NBAS: variants seen among roughly 807,000 people sequenced by gnomAD.
The protein encoded by NBAS is NAG/BC035112 fusion.
NBAS carries 219 observed loss-of-function variants against 302.5 expected under a neutral mutation model. That is an observed-to-expected ratio of 0.72 (90% CI 0.65 to 0.81). The LOEUF is 0.81. NBAS is among the 30% of genes least tolerant of loss of function. The pLI, the probability that NBAS is intolerant of heterozygous loss-of-function variation, is 0.00. For synonymous variants in NBAS, 1,118 were observed against 1,021.6 expected (o/e 1.09, Z -1.80); for missense variants, 2,932 against 2,841.6 (o/e 1.03, Z -0.72).
intron 48 of NBAS, among the ~76,000 whole-genome samples, chr2:15,194,441 C>A (rs1665513973): frequency 6.6e-6 from 1 of 152,060 alleles, no homozygotes; most frequent in Non-Finnish European, 1.5e-5. Context: ...ACTACAAATT[C>A]TTTATCTGGC....
the NBAS span, among the ~76,000 whole-genome samples, chr2:15,158,543 C>T: frequency 1.3e-5 from 2 of 152,198 alleles, no homozygotes; most frequent in African/African-American, 4.8e-5. Flanking sequence ...TTTCCAGTTA[C>T]CTGTTCTCTA....
At chr2:14,867,775 T>G in the NBAS span, among the ~76,000 whole-genome samples, 5,212 of 152,342 alleles carry the variant, frequency 0.034, 281 homozygotes, top group African/African-American at 0.12. Context: ...GGACCATGTT[T>G]ATACATTTTC....
At chr2:15,495,207 C>T (rs762700850) in intron 11 of NBAS, among the ~76,000 whole-genome samples, 3 of 152,188 alleles carry the variant, frequency 2.0e-5, no homozygotes, top group Non-Finnish European at 2.9e-5. Context: ...TCAAAACTAA[C>T]CGGCCTGCAC....
At chr2:15,446,573 G>C (rs1363007289) in intron 21 of NBAS, among the ~76,000 whole-genome samples, 1 of 152,148 alleles carries the variant, frequency 6.6e-6, no homozygotes, top group Non-Finnish European at 1.5e-5. Context: ...ACTGACACTA[G>C]ATATAAATTG....
intron 35 of NBAS, among the ~76,000 whole-genome samples, chr2:15,335,254 T>A (rs1672529231): frequency 6.6e-6 from 1 of 152,158 alleles, no homozygotes; most frequent in Non-Finnish European, 1.5e-5. Flanking sequence ...CAGAACTTAT[T>A]TATATTTTCT....
chr2:15,276,288 A>C (rs1669579959), intron 43 of NBAS, among the ~76,000 whole-genome samples: 1 of 152,266 alleles, frequency 6.6e-6, no homozygotes, highest in African/African-American at 2.4e-5. Flanking sequence ...ACTGATGGGA[A>C]CTCTCACAAT....
At chr2:15,294,315 A>C (rs1670450065) in intron 40 of NBAS, among the ~76,000 whole-genome samples, 1 of 152,212 alleles carries the variant, frequency 6.6e-6, no homozygotes, top group Non-Finnish European at 1.5e-5. Context: ...TTCCAGTAAA[A>C]GGTAGAAAAT....
the NBAS span, among the ~76,000 whole-genome samples, chr2:14,900,913 A>G: frequency 6.6e-6 from 1 of 152,222 alleles, no homozygotes; most frequent in Non-Finnish European, 1.5e-5. Flanking sequence ...ACCATCTGCA[A>G]AGGCTTGAAC....
the NBAS span, among the ~76,000 whole-genome samples, chr2:14,887,261 G>T: frequency 6.6e-6 from 1 of 151,940 alleles, no homozygotes; most frequent in Non-Finnish European, 1.5e-5. Flanking sequence ...AAAATTATTC[G>T]GGCATGGTGG....
At position 15,366,610 on chromosome 2, in the gene NBAS, G is replaced by C; in HGVS notation, c.3787C>G (p.Leu1263Val). Reference protein sequence around the residue: ...PTCYKQSTKLLGLAELLRVAG... With the variant: ...PTCYKQSTKLVGLAELLRVAG... ...ACCCTCAGCAGCTCAGCAAGGCCCAGAAGCTTGGTGGATTGTTTATAGCAT... is the reference window on the plus strand; with the variant it reads ...ACCCTCAGCAGCTCAGCAAGGCCCACAAGCTTGGTGGATTGTTTATAGCAT... The change falls in exon 32 of 52, where the codon CTG (leucine) becomes GTG (valine). Residue 1263 changes from leucine (L) to valine (V), a missense_variant. By Grantham distance (32) the Leu-to-Val change is conservative (BLOSUM62 1). Transcript: ENST00000281513. The C allele has an allele frequency of 6.2e-7, 1 of 1,614,124 alleles. No individual in the cohort carries two copies.
At chr2:15,231,620 TAAGAG>T (rs1667386213) in intron 47 of NBAS, among the ~76,000 whole-genome samples, 1 of 152,168 alleles carries the variant, frequency 6.6e-6, no homozygotes, top group Non-Finnish European at 1.5e-5. Context: ...AGCAAGTAGA[TAAGAG>T]AATACAAAAG....
intron 27 of NBAS, 27 bp downstream of exon 27, chr2:15,396,386 A>T: frequency 7.4e-7 from 1 of 1,344,504 alleles, no homozygotes; most frequent in Non-Finnish European, 1.0e-6. Context: ...AAGCATGGAG[A>T]AAAAAAAAAA....
intron 50 of NBAS, among the ~76,000 whole-genome samples, chr2:15,185,179 T>C (rs577112828): frequency 1.3e-5 from 2 of 152,262 alleles, no homozygotes; most frequent in African/African-American, 2.4e-5. Flanking sequence ...AGCAAGACCA[T>C]TGACCTCAAA....
At position 15,461,785 on chromosome 2, in the gene NBAS, G is replaced by A; in HGVS notation, c.2104C>T (p.Leu702=). 1.3e-6 allele frequency: 2 copies of A among 1,580,724 alleles called. No individual in the cohort carries two copies. The highest frequency in any genetic ancestry group is 1.7e-6 in the Non-Finnish European group (2 of 1,151,024). ...TGTTCAGATGCATGAGGCACTCCTA[G>A]GATTTCCTGAGGGGAAATTTAATGA... ...LDRLATYEEI[L]GVPHASEQRY... The change falls in exon 20 of 52, where the codon CTA becomes TTA. Residue 702 remains leucine (L), a synonymous_variant. Transcript: ENST00000281513.
the NBAS span, among the ~76,000 whole-genome samples, chr2:14,825,506 A>C: frequency 6.6e-6 from 1 of 152,172 alleles, no homozygotes; most frequent in Admixed American, 6.5e-5. Flanking sequence ...CTAAATGCTA[A>C]TCATCCAGAA....
intron 35 of NBAS, among the ~76,000 whole-genome samples, chr2:15,341,944 G>A (rs1052613736): frequency 4.6e-5 from 7 of 152,120 alleles, no homozygotes; most frequent in African/African-American, 1.7e-4. Flanking sequence ...CATGATCACT[G>A]TAAACTGAAT....
the NBAS span, among the ~76,000 whole-genome samples, chr2:15,082,792 C>A: frequency 7.9e-5 from 12 of 152,228 alleles, no homozygotes; most frequent in Non-Finnish European, 1.5e-4. Flanking sequence ...CTCCCATTTA[C>A]TCCTCCTGGT....
chr2:15,561,107 C>CCTACGTGGCTCCTG, intron 1 of NBAS, 81 bp downstream of exon 1: 1 of 1,262,850 alleles, frequency 7.9e-7, no homozygotes, highest in Middle Eastern at 2.1e-4. Flanking sequence ...TCTCCACTCC[C>CCTACGTGGCTCCTG]CTACGTGGCT....
the NBAS span, among the ~76,000 whole-genome samples, chr2:15,095,784 T>G: frequency 9.8e-3 from 1,490 of 152,276 alleles, 15 homozygotes; most frequent in Non-Finnish European, 0.014. Context: ...GGCCCTGACA[T>G]GGGAGCTCAA....
Sources: gnomAD v4.1 joint callset for allele counts (sites outside exome capture counted in the v4.1 genomes callset) on GRCh38, gnomAD v4.1.1 for gene constraint, MANE v1.5 for transcripts, NCBI Gene and HGNC (gene_info 2026-07-23, HGNC 2026-07-21) for gene names.